The following LRBA variants were observed in gnomAD, a reference collection of about 807,000 sequenced individuals.
The protein encoded by LRBA is lipopolysaccharide-responsive and beige-like anchor protein.
Under a neutral mutation model 330.0 loss-of-function variants are expected in LRBA, and 176 were observed. That is an observed-to-expected ratio of 0.53 (90% CI 0.47 to 0.60). LRBA has a LOEUF of 0.60. Among genes scored for constraint, LRBA ranks in the 20% least tolerant of loss-of-function variants. LRBA has a pLI of 0.00. For missense variants in LRBA, 3,259 were observed against 3,444.8 expected, an observed-to-expected ratio of 0.95 and a Z score of 1.35; for synonymous variants, 1,230 against 1,193.0, an observed-to-expected ratio of 1.03 and a Z score of -0.64.
intron 46 of LRBA, among the ~76,000 whole-genome samples, chr4:150,421,054 TA>T (rs1166539730): frequency 1.0e-4 from 4 of 38,794 alleles, no homozygotes; most frequent in African/African-American, 3.7e-4. Flanking sequence ...ATATACATTA[TA>T]ATATATATAA....
intron 40 of LRBA, among the ~76,000 whole-genome samples, chr4:150,534,963 C>T (rs559639098): frequency 6.6e-6 from 1 of 152,218 alleles, no homozygotes; most frequent in Admixed American, 6.5e-5. Context: ...GATGAGAGTA[C>T]ATTTCTTTTT....
chr4:150,660,620 A>G (rs1780948184), intron 37 of LRBA, among the ~76,000 whole-genome samples: 1 of 142,432 alleles, frequency 7.0e-6, no homozygotes, highest in African/African-American at 2.5e-5. Context: ...GCCTTGTGGA[A>G]TAGAAAGGCG....
intron 37 of LRBA, among the ~76,000 whole-genome samples, chr4:150,638,768 G>A (rs1449347584): frequency 8.1e-6 from 1 of 123,876 alleles, no homozygotes; most frequent in Non-Finnish European, 1.7e-5. Flanking sequence ...CTGTAAACTA[G>A]TTCAACCATT....
intron 44 of LRBA, among the ~76,000 whole-genome samples, chr4:150,439,296 A>T (rs1751517834): frequency 6.6e-6 from 1 of 152,084 alleles, no homozygotes; most frequent in African/African-American, 2.4e-5. Context: ...CGTTTCTTGA[A>T]TATAATGCTA....
At chr4:150,488,197 T>G (rs1360333534) in intron 41 of LRBA, among the ~76,000 whole-genome samples, 1 of 151,684 alleles carries the variant, frequency 6.6e-6, no homozygotes, top group East Asian at 1.9e-4. Flanking sequence ...AAATGAATTT[T>G]GGCAAGTCAA....
In LRBA at chr4:150,906,411, AT is replaced by A. The variant is rs1404217175; in HGVS notation, c.1494-7del. 1 of 1,516,472 alleles carries A rather than the reference AT, an allele frequency of 6.6e-7. No individual in the cohort carries two copies. Among genetic ancestry groups the A allele is most frequent in the Non-Finnish European group, 9.1e-7 (1 of 1,096,120 alleles). The allele number at this position is 1,516,472 out of a possible 1,614,324, so 93.9% of individuals were successfully genotyped here. A position where few individuals can be genotyped will look rare whatever the true frequency, so the allele number is the denominator to read the frequency against. On this transcript the variant is annotated splice_region_variant and splice_polypyrimidine_tract_variant and intron_variant, in intron 11 of 56. Transcript: ENST00000651943. The stretch of plus-strand genomic sequence containing the variant: ...TAAAGGCCAGCAAGGTTGAACTAGA[AT>A]TTTTTAAAAAGGCGATGATTAAAAA...
At chr4:150,491,655 T>C (rs1331520201) in intron 40 of LRBA, among the ~76,000 whole-genome samples, 1 of 152,106 alleles carries the variant, frequency 6.6e-6, no homozygotes, top group Admixed American at 6.6e-5. Flanking sequence ...AATCTCCCTA[T>C]GGGGTAGGTG....
intron 53 of LRBA, among the ~76,000 whole-genome samples, chr4:150,293,722 C>G (rs1416640790): frequency 6.6e-6 from 1 of 152,176 alleles, no homozygotes; most frequent in Non-Finnish European, 1.5e-5. Context: ...AAGGTTGACC[C>G]TTGAACAACA....
At chr4:150,952,403 C>T (rs1736933319) in intron 2 of LRBA, among the ~76,000 whole-genome samples, 1 of 152,016 alleles carries the variant, frequency 6.6e-6, no homozygotes, top group Non-Finnish European at 1.5e-5. Context: ...ACAATGGCTA[C>T]CTCAAAGAAG....
At chr4:150,498,494 A>AT (rs202031402) in intron 40 of LRBA, among the ~76,000 whole-genome samples, 1,547 of 151,692 alleles carry the variant, frequency 0.01, 25 homozygotes, top group African/African-American at 0.035. Flanking sequence ...ATAAGTCTAA[A>AT]TTTTTTTTTG....
chr4:150,438,036 A>G (rs947981780), intron 44 of LRBA, among the ~76,000 whole-genome samples: 5 of 152,212 alleles, frequency 3.3e-5, no homozygotes, highest in Non-Finnish European at 1.5e-5. Context: ...GTCTCAAAGG[A>G]GTCTAAGGCT....
chr4:150,803,115 T>TAC (rs1441933246), intron 33 of LRBA, among the ~76,000 whole-genome samples: 2 of 143,390 alleles, frequency 1.4e-5, no homozygotes, highest in South Asian at 4.4e-4. Context: ...CACACATATA[T>TAC]ACACACACAA....
intron 40 of LRBA, among the ~76,000 whole-genome samples, chr4:150,543,689 G>A (rs573295918): frequency 1.4e-4 from 22 of 152,100 alleles, no homozygotes; most frequent in South Asian, 1.2e-3. Context: ...ATTGCTTCCC[G>A]AGAAAAGGTT....
chr4:150,544,370 C>A (rs923361202), intron 40 of LRBA, among the ~76,000 whole-genome samples: 2 of 152,138 alleles, frequency 1.3e-5, no homozygotes, highest in African/African-American at 2.4e-5. Flanking sequence ...TCCAGTGATA[C>A]ACCCACCTTG....
At chr4:150,499,330 G>A (rs559325557) in intron 40 of LRBA, among the ~76,000 whole-genome samples, 10 of 151,986 alleles carry the variant, frequency 6.6e-5, no homozygotes, top group South Asian at 4.2e-4. Context: ...TGCTATTGTT[G>A]CTGAATTAAG....
chr4:150,689,433 A>T (rs1335290936), intron 36 of LRBA, among the ~76,000 whole-genome samples: 1 of 152,128 alleles, frequency 6.6e-6, no homozygotes, highest in Non-Finnish European at 1.5e-5. Flanking sequence ...CATTCTGCAC[A>T]TGTATCCCAG....
chr4:150,888,238 C>G (rs913788103), intron 17 of LRBA, among the ~76,000 whole-genome samples: 6 of 152,224 alleles, frequency 3.9e-5, no homozygotes, highest in African/African-American at 1.4e-4. Flanking sequence ...AATATATTTT[C>G]AGAAGAAATA....
intron 47 of LRBA, among the ~76,000 whole-genome samples, chr4:150,394,758 T>C (rs927618606): frequency 4.6e-5 from 7 of 152,202 alleles, no homozygotes; most frequent in Non-Finnish European, 7.3e-5. Context: ...AAATAGAATG[T>C]TGAAAACAGA....
At chr4:150,519,896 G>C (rs188953366) in intron 40 of LRBA, among the ~76,000 whole-genome samples, 1 of 152,134 alleles carries the variant, frequency 6.6e-6, no homozygotes, top group African/African-American at 2.4e-5. Flanking sequence ...CTATCCTAAC[G>C]TGTAGTAGTG....
Sources: gnomAD v4.1 joint callset for allele counts (sites outside exome capture counted in the v4.1 genomes callset) on GRCh38, gnomAD v4.1.1 for gene constraint, MANE v1.5 for transcripts, NCBI Gene and HGNC (gene_info 2026-07-23, HGNC 2026-07-21) for gene names.